Variants in THEMIS observed in about 807,000 individuals in gnomAD.
THEMIS encodes thymocyte selection associated, also known as protein THEMIS.
In THEMIS, 37 loss-of-function variants were observed where a neutral mutation model predicts 52.6. The ratio of observed to expected loss-of-function variants is 0.70; its 90% CI spans 0.54 to 0.93. The LOEUF (loss-of-function observed/expected upper bound fraction) is 0.93. THEMIS is among the 40% of genes least tolerant of loss of function. The pLI is 0.00. For synonymous variants in THEMIS, 292 were observed against 272.7 expected (o/e 1.07, Z -0.70); for missense variants, 808 against 763.1 (o/e 1.06, Z -0.69).
chr6:127,757,753 G>C (rs1011953089), intron 4 of THEMIS, among the ~76,000 whole-genome samples: 2 of 152,088 alleles, frequency 1.3e-5, no homozygotes, highest in African/African-American at 4.8e-5. Flanking sequence ...AAAGTGCTGG[G>C]ATTACAGGCA....
At chr6:127,904,876 A>C (rs542657062), upstream of THEMIS, among the ~76,000 whole-genome samples, 126 of 152,194 alleles carry the variant, frequency 8.3e-4, no homozygotes, top group African/African-American at 3.0e-3. Context: ...TTTAACAGCA[A>C]ATGGGACATA....
intron 4 of THEMIS, among the ~76,000 whole-genome samples, chr6:127,746,641 G>A (rs1775399125): frequency 7.3e-6 from 1 of 137,274 alleles, no homozygotes; most frequent in African/African-American, 2.7e-5. Context: ...AACAATAAAT[G>A]ATGAATAAGA....
At chr6:127,834,498 C>A (rs769210042) in intron 2 of THEMIS, among the ~76,000 whole-genome samples, 2 of 151,022 alleles carry the variant, frequency 1.3e-5, no homozygotes, top group African/African-American at 4.9e-5. Context: ...GTAGGAGAAT[C>A]GCTTGAACCT....
chr6:127,759,828 T>C (rs1900131), intron 4 of THEMIS, among the ~76,000 whole-genome samples: 4 of 116,078 alleles, frequency 3.4e-5, no homozygotes, highest in East Asian at 2.4e-4. Context: ...CCTTCCCTCC[T>C]TCCCTCCCTC....
chr6:127,846,335 A>G (rs558485224), intron 2 of THEMIS, among the ~76,000 whole-genome samples: 1 of 151,982 alleles, frequency 6.6e-6, no homozygotes. Flanking sequence ...ACAAGAAAGT[A>G]TGACCTGTAC....
At chr6:127,713,313 T>A (rs1483427626) in intron 5 of THEMIS, among the ~76,000 whole-genome samples, 2 of 151,934 alleles carry the variant, frequency 1.3e-5, no homozygotes, top group African/African-American at 4.8e-5. Flanking sequence ...GAGTCTTCTA[T>A]GTGTACTCCA....
At chr6:127,812,782 T>G in intron 4 of THEMIS, 101 bp downstream of exon 4, 1 of 1,207,074 alleles carries the variant, frequency 8.3e-7, no homozygotes, top group Non-Finnish European at 1.2e-6. Flanking sequence ...AAATATGGCA[T>G]GAAAGAAAGA....
intron 4 of THEMIS, among the ~76,000 whole-genome samples, chr6:127,758,036 T>C (rs936257780): frequency 5.3e-5 from 8 of 151,702 alleles, no homozygotes; most frequent in Admixed American, 6.6e-5. Flanking sequence ...TATATACAAA[T>C]ACACATATAT....
At chr6:127,848,173 G>A (rs1430858652) in intron 2 of THEMIS, among the ~76,000 whole-genome samples, 1 of 148,702 alleles carries the variant, frequency 6.7e-6, no homozygotes, top group Non-Finnish European at 1.5e-5. Context: ...AACATGCGGT[G>A]TTTGGTTTTT....
chr6:127,897,604 C>T (rs1781008420), intron 1 of THEMIS, among the ~76,000 whole-genome samples: 1 of 151,522 alleles, frequency 6.6e-6, no homozygotes, highest in Admixed American at 6.6e-5. Flanking sequence ...CCACTATACT[C>T]TTGCCAGAAT....
intron 4 of THEMIS, among the ~76,000 whole-genome samples, chr6:127,722,679 C>T (rs1774401938): frequency 6.6e-6 from 1 of 151,864 alleles, no homozygotes; most frequent in African/African-American, 2.4e-5. Flanking sequence ...TTGGAGGATC[C>T]CCTTCTCTGA....
intron 2 of THEMIS, among the ~76,000 whole-genome samples, chr6:127,853,180 A>T (rs1219982204): frequency 6.6e-6 from 1 of 151,692 alleles, no homozygotes; most frequent in African/African-American, 2.4e-5. Flanking sequence ...GGTGGTAGTC[A>T]GACAAGTACA....
intron 1 of THEMIS, among the ~76,000 whole-genome samples, chr6:127,858,553 AT>A (rs1353351545): frequency 6.6e-6 from 1 of 152,064 alleles, no homozygotes; most frequent in East Asian, 1.9e-4. Context: ...CTTAAAATAT[AT>A]TTTTTCCTTC....
At chr6:127,726,669 T>G (rs1490981007) in intron 4 of THEMIS, among the ~76,000 whole-genome samples, 1 of 152,284 alleles carries the variant, frequency 6.6e-6, no homozygotes, top group East Asian at 1.9e-4. Flanking sequence ...TTGATTTATG[T>G]TGATTTAATC....
At chr6:127,910,136 C>T (rs999568738) in intron 1 of THEMIS, 3 of 152,100 alleles carry the variant, frequency 2.0e-5, no homozygotes, top group African/African-American at 7.2e-5. Flanking sequence ...TCATTATTTT[C>T]TAGTGCATCT....
chr6:127,916,468 C>T (rs912658929), intron 1 of THEMIS, among the ~76,000 whole-genome samples: 1 of 152,108 alleles, frequency 6.6e-6, no homozygotes, highest in African/African-American at 2.4e-5. Context: ...CCTTCCTATC[C>T]CAACCTCTGT....
At chr6:127,715,745 G>C (rs1480074590) in intron 5 of THEMIS, among the ~76,000 whole-genome samples, 1 of 151,820 alleles carries the variant, frequency 6.6e-6, no homozygotes, top group East Asian at 1.9e-4. Context: ...ATCTTAGACA[G>C]GGTGAATCAC....
chr6:127,799,453 G>T (rs897981850), intron 4 of THEMIS, among the ~76,000 whole-genome samples: 2 of 152,192 alleles, frequency 1.3e-5, no homozygotes, highest in African/African-American at 4.8e-5. Context: ...TTTGGTTTAG[G>T]CAAGTCAGTA....
At chr6:127,851,510 T>G (rs189799021) in intron 2 of THEMIS, among the ~76,000 whole-genome samples, 1 of 151,814 alleles carries the variant, frequency 6.6e-6, no homozygotes, top group East Asian at 1.9e-4. Context: ...AAGAACTCAA[T>G]TTTTAAAAAA....
Sources: gnomAD v4.1 joint callset for allele counts (sites outside exome capture counted in the v4.1 genomes callset) on GRCh38, gnomAD v4.1.1 for gene constraint, MANE v1.5 for transcripts, NCBI Gene and HGNC (gene_info 2026-07-23, HGNC 2026-07-21) for gene names.